The following EXOC6B variants were observed in gnomAD, a reference collection of about 807,000 sequenced individuals.
EXOC6B encodes exocyst complex component 6B.
A neutral mutation model predicts 113.5 loss-of-function variants in EXOC6B; 54 were observed. That is an observed-to-expected ratio of 0.48 (90% CI 0.38 to 0.60). The LOEUF (loss-of-function observed/expected upper bound fraction) is 0.60. EXOC6B is among the 20% of genes least tolerant of loss of function. The pLI is 0.00. For synonymous variants in EXOC6B, 357 were observed against 339.0 expected, an observed-to-expected ratio of 1.05 and a Z score of -0.58; for missense variants, 797 against 977.5, an observed-to-expected ratio of 0.82 and a Z score of 2.46.
chr2:72,684,174 G>A (rs372421650), intron 6 of EXOC6B, among the ~76,000 whole-genome samples: 6 of 152,050 alleles, frequency 3.9e-5, no homozygotes, highest in African/African-American at 1.2e-4. Flanking sequence ...TGATCTACCC[G>A]CCTCGGCCTC....
intron 21 of EXOC6B, among the ~76,000 whole-genome samples, chr2:72,182,693 A>G (rs1304259544): frequency 6.6e-6 from 1 of 152,194 alleles, no homozygotes; most frequent in Non-Finnish European, 1.5e-5. Context: ...CAAAGGAATT[A>G]GTAAGCCAAG....
intron 20 of EXOC6B, among the ~76,000 whole-genome samples, chr2:72,249,589 C>CA (rs987407876): frequency 6.6e-6 from 1 of 151,434 alleles, no homozygotes; most frequent in African/African-American, 2.4e-5. Context: ...AGATGGTAGA[C>CA]AAAAAAGTAT....
intron 6 of EXOC6B, among the ~76,000 whole-genome samples, chr2:72,667,781 T>G (rs531811360): frequency 4.6e-5 from 7 of 152,104 alleles, no homozygotes; most frequent in Non-Finnish European, 1.0e-4. Context: ...TAGAAGAAAT[T>G]CTAGGAAATA....
intron 15 of EXOC6B, among the ~76,000 whole-genome samples, chr2:72,493,363 TC>T (rs1699861822): frequency 7.1e-6 from 1 of 140,588 alleles, no homozygotes; most frequent in South Asian, 2.2e-4. Flanking sequence ...CAATATTCTT[TC>T]CAGTCTTCTA....
chr2:72,191,155 A>G (rs1678807097), intron 20 of EXOC6B, among the ~76,000 whole-genome samples: 1 of 152,242 alleles, frequency 6.6e-6, no homozygotes, highest in Non-Finnish European at 1.5e-5. Context: ...AAGTGGAAAA[A>G]GATATGACAA....
intron 19 of EXOC6B, among the ~76,000 whole-genome samples, chr2:72,363,653 G>T (rs1690450428): frequency 6.6e-6 from 1 of 151,964 alleles, no homozygotes; most frequent in South Asian, 2.1e-4. Context: ...CTAATAATTA[G>T]TGCATACTTA....
At chr2:72,664,771 T>A (rs531240168) in intron 6 of EXOC6B, among the ~76,000 whole-genome samples, 90 of 152,314 alleles carry the variant, frequency 5.9e-4, no homozygotes, top group Non-Finnish European at 1.1e-3. Context: ...GCTTCTCCCA[T>A]AGGAGTGTGT....
At chr2:72,315,752 G>A (rs1687478815) in intron 20 of EXOC6B, among the ~76,000 whole-genome samples, 1 of 152,132 alleles carries the variant, frequency 6.6e-6, no homozygotes, top group South Asian at 2.1e-4. Context: ...CATTAATTGA[G>A]ATGAAGAGAG....
rs147672154 is a variant in EXOC6B, at chr2:72,229,359, C to T, written c.2197-45172G>A. ...AGATTACGAAGCAAAGAGAAGCAGG[C>T]GGAGATTAGGAGTTAGAAAATTCAA... On this transcript the variant is annotated intron_variant, in intron 20 of 21. Coordinates refer to ENST00000272427, the MANE Select transcript of EXOC6B (RefSeq NM_015189.3). 1.8e-3 allele frequency among the ~76,000 whole-genome samples: 270 copies of T among 152,160 alleles called. 2 individuals are homozygous for T. The highest frequency in any genetic ancestry group is 3.2e-3 in the Non-Finnish European group (219 of 67,996).
At chr2:72,754,259 G>A (rs541399524) in intron 1 of EXOC6B, among the ~76,000 whole-genome samples, 11 of 152,214 alleles carry the variant, frequency 7.2e-5, no homozygotes, top group East Asian at 3.9e-4. Context: ...AAGCAGCCAC[G>A]AAGAGCTTAA....
chr2:72,694,966 C>T (rs796740020), intron 6 of EXOC6B, among the ~76,000 whole-genome samples: 4 of 152,090 alleles, frequency 2.6e-5, no homozygotes, highest in East Asian at 1.9e-4. Flanking sequence ...TGCCTGGAGA[C>T]GGGGGTGGGG....
chr2:72,425,295 T>G (rs1695140997), intron 18 of EXOC6B, among the ~76,000 whole-genome samples: 1 of 152,214 alleles, frequency 6.6e-6, no homozygotes, highest in Non-Finnish European at 1.5e-5. Context: ...GATGACTTTA[T>G]GTATTTAACA....
chr2:72,484,466 C>T (rs1699303996), intron 16 of EXOC6B, among the ~76,000 whole-genome samples: 1 of 150,280 alleles, frequency 6.7e-6, no homozygotes, highest in Non-Finnish European at 1.5e-5. Context: ...ACTCGGGAGG[C>T]TGAGGCAGGA....
chr2:72,464,192 C>T (rs1384130830), intron 18 of EXOC6B: 2 of 152,160 alleles, frequency 1.3e-5, no homozygotes, highest in East Asian at 1.9e-4. Flanking sequence ...CAATCCCCAA[C>T]ACTTTTTTTC....
At chr2:72,741,154 C>T (rs747168184) in intron 2 of EXOC6B, 150 bp downstream of exon 2, 11 of 742,302 alleles carry the variant, frequency 1.5e-5, no homozygotes, top group South Asian at 2.9e-5. Flanking sequence ...GCCATACTCT[C>T]AAGAATGTAC....
chr2:72,474,152 C>T (rs1242404306), intron 17 of EXOC6B, among the ~76,000 whole-genome samples: 2 of 151,836 alleles, frequency 1.3e-5, no homozygotes, highest in African/African-American at 4.8e-5. Flanking sequence ...ATGATGATTC[C>T]TTTATAGGTA....
At chr2:72,695,790 T>C (rs1008463983) in intron 6 of EXOC6B, among the ~76,000 whole-genome samples, 5 of 152,324 alleles carry the variant, frequency 3.3e-5, no homozygotes, top group African/African-American at 7.2e-5. Flanking sequence ...TTAGGTGTCA[T>C]TTACTAACCA....
intron 6 of EXOC6B, among the ~76,000 whole-genome samples, chr2:72,657,992 C>G (rs1674717376): frequency 6.7e-6 from 1 of 150,112 alleles, no homozygotes. Flanking sequence ...AAGAATTATT[C>G]TCATAATTTG....
At chr2:72,772,170 C>T (rs182306184) in intron 1 of EXOC6B, among the ~76,000 whole-genome samples, 2 of 152,264 alleles carry the variant, frequency 1.3e-5, no homozygotes, top group African/African-American at 2.4e-5. Flanking sequence ...TGGAGGAAAA[C>T]GAGAATGATA....
Sources: gnomAD v4.1 joint callset for allele counts (sites outside exome capture counted in the v4.1 genomes callset) on GRCh38, gnomAD v4.1.1 for gene constraint, MANE v1.5 for transcripts, NCBI Gene and HGNC (gene_info 2026-07-23, HGNC 2026-07-21) for gene names.